Variants in LAMA4 observed in about 807,000 individuals in gnomAD.
LAMA4 encodes laminin subunit alpha 4, also known as laminin subunit alpha-4.
A neutral mutation model predicts 207.1 loss-of-function variants in LAMA4; 127 were observed. The ratio of observed to expected loss-of-function variants is 0.61; its 90% confidence interval spans 0.53 to 0.71. LAMA4 has a LOEUF of 0.71. Among genes scored for constraint, LAMA4 ranks in the 30% least tolerant of loss-of-function variants. LAMA4 has a pLI of 0.00. For missense variants in LAMA4, 2,093 were observed against 2,246.5 expected (o/e 0.93, Z 1.38); for synonymous variants, 761 against 816.0 (o/e 0.93, Z 1.15).
chr6:112,160,696 AT>A (rs1365115517), intron 13 of LAMA4, among the ~76,000 whole-genome samples: 3 of 152,086 alleles, frequency 2.0e-5, no homozygotes, highest in African/African-American at 7.2e-5. Flanking sequence ...TGACTATGCT[AT>A]CTCCTGGGTC....
intron 2 of LAMA4, among the ~76,000 whole-genome samples, chr6:112,220,918 C>T (rs935252223): frequency 1.3e-5 from 2 of 152,108 alleles, no homozygotes; most frequent in Admixed American, 6.5e-5. Context: ...GTTTCCCAAA[C>T]ACTATCACAG....
intron 3 of LAMA4, among the ~76,000 whole-genome samples, chr6:112,209,040 T>C (rs567008135): frequency 6.6e-6 from 1 of 152,314 alleles, no homozygotes; most frequent in East Asian, 1.9e-4. Flanking sequence ...TTAATGAATT[T>C]GTGTCTGGAG....
rs144433625 is a variant in LAMA4 at position 112,142,218 on chromosome 6, C to G, written c.2568G>C (p.Lys856Asn). ...TGTACAGGCTCAGAGACGTGAAGGC[C>G]TTTAAGTCATCCATACTGGTTCTCG... The part of the protein sequence containing the change: ...VHSRTSMDDL[K>N]AFTSLSLYMK... The change falls in exon 20 of 39, where the codon AAG becomes AAC. Residue 856 changes from lysine to asparagine, a missense_variant. Around this residue, in one of 3 missense-constraint regions of LAMA4, gnomAD observed 1,704 missense variants for 1,788.4 expected, o/e 0.95. Coordinates refer to ENST00000230538, the MANE Select transcript of LAMA4 (RefSeq NM_001105206.3). 57 of 1,613,994 alleles carry G rather than the reference C, an allele frequency of 3.5e-5. No individual in the cohort carries two copies. The highest frequency in any genetic ancestry group is 4.7e-5 in the Non-Finnish European group (56 of 1,180,006).
intron 31 of LAMA4, among the ~76,000 whole-genome samples, chr6:112,126,634 A>G (rs1554327754): frequency 6.6e-6 from 1 of 152,238 alleles, no homozygotes; most frequent in Admixed American, 6.5e-5. Flanking sequence ...ATGTCAAGAT[A>G]TAATGGTCAG....
intron 11 of LAMA4, among the ~76,000 whole-genome samples, chr6:112,175,024 C>T (rs1781939344): frequency 6.6e-6 from 1 of 152,136 alleles, no homozygotes; most frequent in Non-Finnish European, 1.5e-5. Context: ...AATTGGTTTC[C>T]TTTAGTCTTC....
At chr6:112,142,428 C>A in intron 19 of LAMA4, 136 bp from the exon 20 acceptor site, 1 of 819,686 alleles carries the variant, frequency 1.2e-6, no homozygotes, top group East Asian at 2.5e-5. Context: ...CACATCCTCC[C>A]CTAGTTGAAG....
chr6:112,194,523 A>G (rs1044444250), intron 5 of LAMA4, among the ~76,000 whole-genome samples: 3 of 152,200 alleles, frequency 2.0e-5, no homozygotes, highest in Admixed American at 2.0e-4. Flanking sequence ...TCTGGACCCT[A>G]TGGATTTAAC....
At position 112,129,095 on chromosome 6, in the gene LAMA4, A is replaced by C. The variant is rs1554328686; in HGVS notation, c.4134-20T>G. ...TCCACCCTGTGTTTGTAACAGAGGA[A>C]AAAATAAATATTAAAAATATTGTTC... On this transcript the variant is annotated intron_variant, in intron 30 of 38. Coordinates refer to ENST00000230538, the MANE Select transcript of LAMA4 (RefSeq NM_001105206.3). The C allele has an allele frequency of 1.3e-6, 2 of 1,587,790 alleles. No homozygotes were observed.
chr6:112,133,113 C>T (rs565960766), intron 27 of LAMA4, among the ~76,000 whole-genome samples: 1 of 152,164 alleles, frequency 6.6e-6, no homozygotes, highest in Non-Finnish European at 1.5e-5. Flanking sequence ...ATGATGCTAG[C>T]ACACCCTCTC....
At chr6:112,209,680 C>G (rs2282853) in intron 3 of LAMA4, among the ~76,000 whole-genome samples, 32,112 of 152,074 alleles carry the variant, frequency 0.21, 4,155 homozygotes, top group East Asian at 0.44. Flanking sequence ...GACTAGATGG[C>G]CTTTCAGGTT....
chr6:112,144,627 C>T (rs1280363442), intron 19 of LAMA4, among the ~76,000 whole-genome samples, 167 bp downstream of exon 19: 2 of 152,178 alleles, frequency 1.3e-5, no homozygotes, highest in South Asian at 2.1e-4. Flanking sequence ...GAATTGGTTT[C>T]GTTTTCAGTG....
At chr6:112,249,287 C>T (rs374483387) in intron 2 of LAMA4, among the ~76,000 whole-genome samples, 30 of 151,800 alleles carry the variant, frequency 2.0e-4, no homozygotes, top group South Asian at 4.2e-4. Flanking sequence ...TACTAAAATA[C>T]GAAAAATTAG....
rs1554330941 is a variant in LAMA4 at position 112,134,614 on chromosome 6, G to A, written c.3415-5C>T. 1 of 1,599,790 alleles carries A rather than the reference G, an allele frequency of 6.3e-7. No homozygotes were observed. The highest frequency in any genetic ancestry group is 8.6e-7 in the Non-Finnish European group (1 of 1,169,130). ...ATTGTGGTAAATGATTGAGATCTGG[G>A]AGAGATAATATATAGTAAGCCTTGA... On this transcript the variant is annotated splice_polypyrimidine_tract_variant and splice_region_variant and intron_variant, in intron 25 of 38. Coordinates refer to ENST00000230538, the MANE Select transcript of LAMA4 (RefSeq NM_001105206.3).
rs1396238273 is a variant in LAMA4 at position 112,128,374 on chromosome 6, A to G, written c.4287+548T>C. The stretch of plus-strand genomic sequence containing the variant: ...CTGCATGTTATCATAAGTGGGAGCT[A>G]AAAATGTTGAGTTCACAGGAGACTA... On this transcript the variant is annotated intron_variant, in intron 31 of 38. Coordinates refer to ENST00000230538, the MANE Select transcript of LAMA4 (RefSeq NM_001105206.3). Among the ~76,000 whole-genome samples the G allele has an allele frequency of 1.3e-5, 2 of 152,124 alleles. 1 individual carries two copies. The highest frequency in any genetic ancestry group is 3.9e-4 in the East Asian group (2 of 5,188).
chr6:112,237,306 C>T (rs1786004280), intron 2 of LAMA4, among the ~76,000 whole-genome samples: 2 of 152,124 alleles, frequency 1.3e-5, no homozygotes, highest in Non-Finnish European at 1.5e-5. Context: ...AAGTACTGGC[C>T]CAAGGCAGAC....
chr6:112,133,221 T>C, intron 27 of LAMA4, 128 bp downstream of exon 27: 1 of 1,012,382 alleles, frequency 9.9e-7, no homozygotes, highest in Non-Finnish European at 1.6e-6. Context: ...TGGTTCTTCT[T>C]TCTGGTGGTG....
intron 31 of LAMA4, among the ~76,000 whole-genome samples, 163 bp downstream of exon 31, chr6:112,128,759 G>A (rs1421872436): frequency 2.0e-5 from 3 of 152,144 alleles, no homozygotes; most frequent in Admixed American, 6.6e-5. Flanking sequence ...AAGAATTAAT[G>A]CAACAAATCT....
chr6:112,181,027 C>T (rs1049210886), intron 9 of LAMA4, among the ~76,000 whole-genome samples: 2 of 152,188 alleles, frequency 1.3e-5, no homozygotes, highest in Non-Finnish European at 2.9e-5. Context: ...TAGTCATCCA[C>T]GTCTCAGGAT....
At chr6:112,165,320 T>G (rs1554339645) in intron 12 of LAMA4, 44 bp from the exon 13 acceptor site, 1 of 1,295,776 alleles carries the variant, frequency 7.7e-7, no homozygotes, top group Admixed American at 1.7e-5. Flanking sequence ...AATATGTCTT[T>G]AGGGAAAGCG....
Sources: allele counts gnomAD v4.1 joint callset (sites outside exome capture counted in the v4.1 genomes callset), GRCh38; gene constraint gnomAD v4.1.1; regional missense constraint gnomAD v4.1.1; transcripts MANE v1.5; gene names NCBI Gene and HGNC (gene_info 2026-07-23, HGNC 2026-07-21).